Variants in PKDREJ observed in about 807,000 individuals in gnomAD.
The protein encoded by PKDREJ is polycystin family receptor for egg jelly.
For missense variants in PKDREJ, 2,507 were observed against 2,807.2 expected (o/e 0.89, Z 2.42); for synonymous variants, 1,031 against 1,095.5 (o/e 0.94, Z 1.16).
rs201718506 is a variant in PKDREJ, at chr22:46,262,594, G to C, written c.729C>G (p.Ala243=). Residue 243 remains alanine (A), a synonymous_variant, in exon 1 of 1, where the codon GCC becomes GCG. Coordinates refer to ENST00000253255, the MANE Select transcript of PKDREJ (RefSeq NM_006071.2). This position sits in a 1 kb window ranked among gnomAD's most constrained non-coding sequence, Gnocchi z 8.1. ...LSMQAEATIN[A]SVQLDCPAAR... ...CGGCCGGGCAGTCCAGCTGCACCGA[G>C]GCGTTGATGGTGGCCTCCGCCTGCA... is the stretch of plus-strand genomic sequence containing the variant. 9.4e-5 allele frequency: 152 copies of C among 1,612,350 alleles called. No homozygotes were observed. The highest frequency in any genetic ancestry group is 3.2e-4 in the Admixed American group (19 of 59,826).
chr22:46,262,960 G>T lies in PKDREJ; in HGVS notation c.363C>A (p.Gly121=). ...ALVDLQLSAR[G]GRLSLTWSVR... ...CGGACCACGTCAGGGAGAGGCGGCC[G>T]CCGCGCGCGGAGAGCTGCAGGTCGA... is the stretch of plus-strand genomic sequence containing the variant. The change falls in exon 1 of 1, where the codon GGC becomes GGA. Residue 121 remains glycine (G), a synonymous_variant. Coordinates refer to ENST00000253255, the MANE Select transcript of PKDREJ (RefSeq NM_006071.2). This position sits in a 1 kb window ranked among gnomAD's most constrained non-coding sequence, Gnocchi z 8.1. The T allele has an allele frequency of 8.8e-7, 1 of 1,135,102 alleles. No homozygotes were observed. The allele number at this position is 1,135,102 out of a possible 1,614,324, so 70.3% of individuals were successfully genotyped here.
In PKDREJ at chr22:46,260,474, G is replaced by T; in HGVS notation, c.2849C>A (p.Ala950Glu). 6 of 1,614,162 alleles carry T rather than the reference G, an allele frequency of 3.7e-6. No individual in the cohort carries two copies. Among genetic ancestry groups the T allele is most frequent in the Non-Finnish European group, 4.2e-6 (5 of 1,180,024 alleles). Reference protein sequence around the residue: ...GSVLEITPDVAEVYLVRKNLT... With the variant: ...GSVLEITPDVEEVYLVRKNLT... ...GTTTTTCCTGACAAGGTACACTTCC[G>T]CTACATCAGGTGTGATCTCTAGCAC... Residue 950 changes from alanine (A) to glutamate (E), a missense_variant, in exon 1 of 1, where the codon GCG (alanine) becomes GAG (glutamate). Coordinates refer to ENST00000253255, the MANE Select transcript of PKDREJ (RefSeq NM_006071.2). The surrounding 1 kb of genome is among the most constrained non-coding windows in gnomAD (Gnocchi z 4.5).
At position 46,261,060 on chromosome 22, in the gene PKDREJ, C is replaced by T. The variant is rs759422339; in HGVS notation, c.2263G>A (p.Val755Ile). Residue 755 changes from valine (V) to isoleucine (I), a missense_variant, in exon 1 of 1, where the codon GTA becomes ATA. By Grantham distance (29) the Val-to-Ile change is conservative. Transcript: ENST00000253255. The surrounding 1 kb of genome is among the most constrained non-coding windows in gnomAD (Gnocchi z 7.1). The part of the protein sequence containing the change: ...PVSTLVEIGQ[V>I]VMTITKLTQK... ...GTTAATTTGGTAATAGTCATGACTACCTGGCCAATTTCTACCAAAGTGCTT... is the reference window on the plus strand; with the variant it reads ...GTTAATTTGGTAATAGTCATGACTATCTGGCCAATTTCTACCAAAGTGCTT... 1.2e-6 allele frequency: 2 copies of T among 1,614,148 alleles called. No homozygotes were observed. The highest frequency in any genetic ancestry group is 2.2e-5 in the South Asian group (2 of 91,078).
chr22:46,262,901 C>A lies in PKDREJ; in HGVS notation c.422G>T (p.Trp141Leu). The change falls in exon 1 of 1, where the codon TGG (tryptophan) becomes TTG (leucine). Residue 141 changes from tryptophan to leucine, a missense_variant. Physicochemically the swap from Trp to Leu is moderately conservative, Grantham distance 61. Transcript: ENST00000253255. The surrounding 1 kb of genome is among the most constrained non-coding windows in gnomAD (Gnocchi z 8.1). ...RLPRSPGRLA[W>L]AFRLRLLGPG... ...TCCGAGCAGCCGCAGGCGGAAGGCCCAGGCCAGGCGCCCGGGCGAGCGCGG... is the reference window on the plus strand; with the variant it reads ...TCCGAGCAGCCGCAGGCGGAAGGCCAAGGCCAGGCGCCCGGGCGAGCGCGG... The A allele has an allele frequency of 9.3e-7, 1 of 1,070,990 alleles. No individual in the cohort carries two copies. The highest frequency in any genetic ancestry group is 1.7e-5 in the African/African-American group (1 of 58,894). The allele number at this position is 1,070,990 out of a possible 1,614,324, so 66.3% of individuals were successfully genotyped here.
At position 46,261,165 on chromosome 22, in the gene PKDREJ, TG is replaced by T; in HGVS notation, c.2157del (p.Asn719LysfsTer2). 2 of 1,614,188 alleles carry T rather than the reference TG, an allele frequency of 1.2e-6. No homozygotes were observed. The highest frequency in any genetic ancestry group is 1.7e-6 in the Non-Finnish European group (2 of 1,180,020). On this transcript the variant is annotated frameshift_variant, in exon 1 of 1. Coordinates refer to ENST00000253255, the MANE Select transcript of PKDREJ (RefSeq NM_006071.2). LOFTEE classifies it low-confidence loss of function (END_TRUNC). This position sits in a 1 kb window ranked among gnomAD's most constrained non-coding sequence, Gnocchi z 7.1. ...LLYIVASVLN[N>X]MKTELPLRDD... ...TCTCGGAGAGGTAATTCAGTTTTCA[TG>T]TTATTCAAAACGGAAGCTACTATAT...
Position 46,263,155 on chromosome 22 carries a change from G to A in PKDREJ, c.168C>T (p.Leu56=). ...GCACCGCGCTGGGCCGCAGACTGAG[G>A]AGGGCGCGGCCGCCGCGCACCCCGA... The part of the protein sequence containing the change: ...PGLGVRGGRA[L]LSLRPSAVRA... Residue 56 remains leucine, a synonymous_variant, in exon 1 of 1, where the codon CTC becomes CTT. Transcript: ENST00000253255. The surrounding 1 kb of genome is among the most constrained non-coding windows in gnomAD (Gnocchi z 9.4). 8.0e-7 allele frequency: 1 copy of A among 1,244,008 alleles called. No individual in the cohort carries two copies. The highest frequency in any genetic ancestry group is 3.6e-5 in the East Asian group (1 of 27,974). The allele number at this position is 1,244,008 out of a possible 1,614,324, so 77.1% of individuals were successfully genotyped here.
rs746549562 is a variant in PKDREJ, at chr22:46,259,496, C to G, written c.3827G>C (p.Arg1276Pro). The G allele has an allele frequency of 6.2e-7, 1 of 1,614,054 alleles. No individual in the cohort carries two copies. Among genetic ancestry groups the G allele is most frequent in the Admixed American group, 1.7e-5 (1 of 60,004 alleles). The change falls in exon 1 of 1, where the codon CGA becomes CCA. Residue 1276 changes from arginine to proline, a missense_variant. Transcript: ENST00000253255. The surrounding 1 kb of genome is among the most constrained non-coding windows in gnomAD (Gnocchi z 6.8). ...LSHPHFTTLY[R>P]GSINTFLLTT... ...TAGGAGGAAAGTGTTGATGCTACCT[C>G]GGTAGAGAGTTGTGAAATGTGGATG...
rs1044966719 is a variant in PKDREJ, at chr22:46,258,000, C to A, written c.5323G>T (p.Asp1775Tyr). The A allele has an allele frequency of 1.2e-6, 2 of 1,613,932 alleles. No homozygotes were observed. The highest frequency in any genetic ancestry group is 1.3e-5 in the African/African-American group (1 of 74,940). Residue 1775 changes from aspartate to tyrosine, a missense_variant, in exon 1 of 1, where the codon GAC (aspartate) becomes TAC (tyrosine). Asp to Tyr is a radical substitution (Grantham distance 160). Coordinates refer to ENST00000253255, the MANE Select transcript of PKDREJ (RefSeq NM_006071.2). This position sits in a 1 kb window ranked among gnomAD's most constrained non-coding sequence, Gnocchi z 4.7. Reference protein sequence around the residue: ...NSVLLPLLHNDLNPTFLPESS... With the variant: ...NSVLLPLLHNYLNPTFLPESS... ...TCAGGAAGAAATGTTGGATTCAGGT[C>A]ATTGTGTAACAAAGGCAACAGCACG...
rs1569269430 is a variant in PKDREJ at position 46,256,980 on chromosome 22, C to G, written c.6343G>C (p.Glu2115Gln). The change falls in exon 1 of 1, where the codon GAA becomes CAA. Residue 2115 changes from glutamate to glutamine, a missense_variant. By Grantham distance (29) the Glu-to-Gln change is conservative (BLOSUM62 2). Transcript: ENST00000253255. The surrounding 1 kb of genome is among the most constrained non-coding windows in gnomAD (Gnocchi z 5.3). ...AFGYLVFGQH[E>Q]WNYSNLIHST... ...TGAATCAAGTTACTGTAGTTCCATT[C>G]ATGCTGACCAAACACCAGGTAACCA... The G allele has an allele frequency of 6.2e-7, 1 of 1,614,024 alleles. No homozygotes were observed. The highest frequency in any genetic ancestry group is 8.5e-7 in the Non-Finnish European group (1 of 1,180,020).
chr22:46,259,074 CAGTT>C lies in PKDREJ; in HGVS notation c.4245_4248del (p.Thr1416SerfsTer8), dbSNP rs1936665884. 2.0e-5 allele frequency: 32 copies of C among 1,613,482 alleles called. No homozygotes were observed. Among genetic ancestry groups the C allele is most frequent in the African/African-American group, 2.7e-5 (2 of 74,888 alleles). ...CTCATGTATTTCCTCTCTCTTGACT[CAGTT>C]TGTTCTTGTCTATTTAGATTAAAGA... On this transcript the variant is annotated frameshift_variant, in exon 1 of 1. Transcript: ENST00000253255. LOFTEE classifies it low-confidence loss of function (END_TRUNC). This position sits in a 1 kb window ranked among gnomAD's most constrained non-coding sequence, Gnocchi z 6.8.
chr22:46,258,250 T>C lies in PKDREJ; in HGVS notation c.5073A>G (p.Glu1691=). ...TTCTTTTGAATATTCTGATTTCATC[T>C]TCTGTAAGGGGTTGGTACATCCTCG... ...RGTRMYQPLT[E]DEIRIFKRKK... Residue 1691 remains glutamate (E), a synonymous_variant, in exon 1 of 1, where the codon GAA becomes GAG. Coordinates refer to ENST00000253255, the MANE Select transcript of PKDREJ (RefSeq NM_006071.2). The surrounding 1 kb of genome is among the most constrained non-coding windows in gnomAD (Gnocchi z 6.1). 1 of 1,614,204 alleles carries C rather than the reference T, an allele frequency of 6.2e-7. No individual in the cohort carries two copies. Among genetic ancestry groups the C allele is most frequent in the African/African-American group, 1.3e-5 (1 of 75,062 alleles).
rs150741850 is a variant in PKDREJ at position 46,256,559 on chromosome 22, C to T, written c.*2G>A. The T allele has an allele frequency of 1.6e-4, 258 of 1,607,898 alleles. No individual in the cohort carries two copies. Among genetic ancestry groups the T allele is most frequent in the Non-Finnish European group, 2.1e-4 (252 of 1,177,282 alleles). ...GCTTGTGACTCATGAAACCATCATT[C>T]ATCAAACAACAAGGTAAACCATTTT... On this transcript the variant is annotated 3_prime_UTR_variant, in exon 1 of 1. Transcript: ENST00000253255. This position sits in a 1 kb window ranked among gnomAD's most constrained non-coding sequence, Gnocchi z 5.3.
rs1936696113 is a variant in PKDREJ at position 46,261,465 on chromosome 22, T to C, written c.1858A>G (p.Ile620Val). Residue 620 changes from isoleucine to valine, a missense_variant, in exon 1 of 1, where the codon ATC becomes GTC. Coordinates refer to ENST00000253255, the MANE Select transcript of PKDREJ (RefSeq NM_006071.2). The surrounding 1 kb of genome is among the most constrained non-coding windows in gnomAD (Gnocchi z 7.1). Reference protein sequence around the residue: ...SSVKENTLGTILYLGPQSTVP... With the variant: ...SSVKENTLGTVLYLGPQSTVP... The stretch of plus-strand genomic sequence containing the variant: ...GTGGACTGAGGCCCCAAGTACAGGA[T>C]GGTCCCCAGGGTGTTCTCTTTTACT... 1.9e-6 allele frequency: 3 copies of C among 1,614,184 alleles called. No homozygotes were observed.
chr22:46,261,257 C>A lies in PKDREJ; in HGVS notation c.2066G>T (p.Gly689Val). The A allele has an allele frequency of 6.2e-7, 1 of 1,613,924 alleles. No homozygotes were observed. The highest frequency in any genetic ancestry group is 8.5e-7 in the Non-Finnish European group (1 of 1,180,006). ...VLNQLLSFTV[G>V]PSSLLSTLIQ... is the part of the protein sequence containing the mutation. ...CAAAGTAGACAGCAATGAACTTGGTCCCACGGTGAAACTGAGTAACTGATT... is the reference window on the plus strand; with the variant it reads ...CAAAGTAGACAGCAATGAACTTGGTACCACGGTGAAACTGAGTAACTGATT... The change falls in exon 1 of 1, where the codon GGA becomes GTA. Residue 689 changes from glycine (G) to valine (V), a missense_variant. Gly to Val is a moderately radical substitution (Grantham distance 109, BLOSUM62 -3). Coordinates refer to ENST00000253255, the MANE Select transcript of PKDREJ (RefSeq NM_006071.2). This position sits in a 1 kb window ranked among gnomAD's most constrained non-coding sequence, Gnocchi z 7.1.
Position 46,261,056 on chromosome 22 carries a change from A to G in PKDREJ, c.2267T>C (p.Val756Ala). Residue 756 changes from valine (V) to alanine (A), a missense_variant, in exon 1 of 1, where the codon GTC (valine) becomes GCC (alanine). By Grantham distance (64) the Val-to-Ala change is moderately conservative. Transcript: ENST00000253255. This position sits in a 1 kb window ranked among gnomAD's most constrained non-coding sequence, Gnocchi z 7.1. Reference protein sequence around the residue: ...VSTLVEIGQVVMTITKLTQKP... With the variant: ...VSTLVEIGQVAMTITKLTQKP... ...CTGGGTTAATTTGGTAATAGTCATG[A>G]CTACCTGGCCAATTTCTACCAAAGT... is the stretch of plus-strand genomic sequence containing the variant. 5.6e-6 allele frequency: 9 copies of G among 1,614,186 alleles called. No homozygotes were observed. The highest frequency in any genetic ancestry group is 7.6e-6 in the Non-Finnish European group (9 of 1,180,038).
Position 46,262,569 on chromosome 22 carries a change from C to A in PKDREJ, c.754G>T (p.Ala252Ser). 6.2e-7 allele frequency: 1 copy of A among 1,607,280 alleles called. No individual in the cohort carries two copies. Among genetic ancestry groups the A allele is most frequent in the African/African-American group, 1.3e-5 (1 of 74,858 alleles). ...TGCCAGTACTGGGCGATGGCGCGCGCGGCCGGGCAGTCCAGCTGCACCGAG... is the reference window on the plus strand; with the variant it reads ...TGCCAGTACTGGGCGATGGCGCGCGAGGCCGGGCAGTCCAGCTGCACCGAG... ...NASVQLDCPA[A>S]RAIAQYWQVF... The change falls in exon 1 of 1, where the codon GCG (alanine) becomes TCG (serine). Residue 252 changes from alanine (A) to serine (S), a missense_variant. Coordinates refer to ENST00000253255, the MANE Select transcript of PKDREJ (RefSeq NM_006071.2). This position sits in a 1 kb window ranked among gnomAD's most constrained non-coding sequence, Gnocchi z 8.1.
chr22:46,261,578 A>G lies in PKDREJ; in HGVS notation c.1745T>C (p.Val582Ala), dbSNP rs200806470. 7 of 1,613,908 alleles carry G rather than the reference A, an allele frequency of 4.3e-6. No individual in the cohort carries two copies. Among genetic ancestry groups the G allele is most frequent in the Non-Finnish European group, 1.7e-6 (2 of 1,179,786 alleles). ...CTTATCCCTAAAATTACTACACTGG[A>G]CAACAAATTTAGTAATAAGTGCAAT... ...KGIALITKFV[V>A]QCSNFRDKHV... The change falls in exon 1 of 1, where the codon GTC becomes GCC. Residue 582 changes from valine (V) to alanine (A), a missense_variant. Transcript: ENST00000253255. This position sits in a 1 kb window ranked among gnomAD's most constrained non-coding sequence, Gnocchi z 7.1.
rs1363440106 is a variant in PKDREJ at position 46,261,605 on chromosome 22, C to A, written c.1718G>T (p.Gly573Val). 1 of 1,613,834 alleles carries A rather than the reference C, an allele frequency of 6.2e-7. No homozygotes were observed. Among genetic ancestry groups the A allele is most frequent in the Non-Finnish European group, 8.5e-7 (1 of 1,179,810 alleles). Reference protein sequence around the residue: ...IGECKINPAKGIALITKFVVQ... With the variant: ...IGECKINPAKVIALITKFVVQ... ...AACAAATTTAGTAATAAGTGCAATT[C>A]CTTTAGCTGGATTAATTTTGCATTC... Residue 573 changes from glycine (G) to valine (V), a missense_variant, in exon 1 of 1, where the codon GGA becomes GTA. Physicochemically the swap from Gly to Val is moderately radical, Grantham distance 109. Coordinates refer to ENST00000253255, the MANE Select transcript of PKDREJ (RefSeq NM_006071.2). The surrounding 1 kb of genome is among the most constrained non-coding windows in gnomAD (Gnocchi z 7.1).
rs1001931423 is a variant in PKDREJ at position 46,258,751 on chromosome 22, C to A, written c.4572G>T (p.Arg1524Ser). Residue 1524 changes from arginine to serine, a missense_variant, in exon 1 of 1, where the codon AGG becomes AGT. By Grantham distance (110) the Arg-to-Ser change is moderately radical (BLOSUM62 -1). Transcript: ENST00000253255. The surrounding 1 kb of genome is among the most constrained non-coding windows in gnomAD (Gnocchi z 6.1). Reference protein sequence around the residue: ...KATSKPKHRHRKAQIKTPETL... With the variant: ...KATSKPKHRHSKAQIKTPETL... ...TCTCCGGGGTCTTGATTTGTGCTTT[C>A]CTATGCCTGTGCTTGGGTTTGGAGG... The A allele has an allele frequency of 3.7e-6, 6 of 1,614,132 alleles. No individual in the cohort carries two copies. Among genetic ancestry groups the A allele is most frequent in the Middle Eastern group, 3.3e-4 (2 of 6,062 alleles).
Sources: gnomAD v4.1 joint callset for allele counts on GRCh38, gnomAD v4.1.1 for gene constraint, Gnocchi (gnomAD v3.1) non-coding constraint, MANE v1.5 for transcripts, NCBI Gene and HGNC (gene_info 2026-07-23, HGNC 2026-07-21) for gene names.